The following SH3GL1 variants were observed in gnomAD, a reference collection of about 807,000 sequenced individuals.
SH3GL1 encodes endophilin-A2.
SH3GL1 carries 21 observed loss-of-function variants against 48.8 expected under a neutral mutation model. The ratio of observed to expected loss-of-function variants is 0.43; its 90% CI spans 0.30 to 0.62. The LOEUF (loss-of-function observed/expected upper bound fraction) is 0.62, where lower values mean the gene tolerates loss of function less well. Ranked by LOEUF, SH3GL1 falls within the 20% of genes least tolerant of loss-of-function variation. SH3GL1 has a pLI of 0.11. For synonymous variants in SH3GL1, 282 were observed against 217.5 expected (o/e 1.30, Z -2.61); for missense variants, 454 against 503.0 (o/e 0.90, Z 0.93).
At chr19:4,375,782 C>G (rs1169682822) in intron 1 of SH3GL1, among the ~76,000 whole-genome samples, 2 of 152,182 alleles carry the variant, frequency 1.3e-5, no homozygotes, top group African/African-American at 4.8e-5. Flanking sequence ...AAGGAAAAAG[C>G]CAACCCACAA....
At chr19:4,370,487 T>C (rs1972876659) in intron 1 of SH3GL1, among the ~76,000 whole-genome samples, 1 of 152,132 alleles carries the variant, frequency 6.6e-6, no homozygotes, top group Non-Finnish European at 1.5e-5. Flanking sequence ...TGACTGAACC[T>C]GCATCAGGGT....
At chr19:4,387,357 G>A (rs965458858) in intron 1 of SH3GL1, among the ~76,000 whole-genome samples, 3 of 152,164 alleles carry the variant, frequency 2.0e-5, no homozygotes, top group African/African-American at 4.8e-5. Flanking sequence ...GGAGGGCAGC[G>A]GCATGATGAT....
At position 4,361,361 on chromosome 19, in the gene SH3GL1, G is replaced by T. The variant is rs1213730427; in HGVS notation, c.*239C>A. On this transcript the variant is annotated 3_prime_UTR_variant, in exon 10 of 10. Coordinates refer to ENST00000269886, the MANE Select transcript of SH3GL1 (RefSeq NM_003025.4). ...GAGGAGGCTGGCGCCATGGAGTGGG[G>T]AAGGGAGCCGTCACCGTTGGGAGTC... The T allele has an allele frequency of 1.9e-5, 10 of 536,176 alleles. No homozygotes were observed. Among genetic ancestry groups the T allele is most frequent in the African/African-American group, 1.5e-4 (8 of 52,122 alleles). The allele number at this position is 536,176 out of a possible 1,614,324, so 33.2% of individuals were successfully genotyped here.
intron 1 of SH3GL1, among the ~76,000 whole-genome samples, chr19:4,371,652 G>C (rs1375886626): frequency 6.6e-6 from 1 of 152,242 alleles, no homozygotes; most frequent in African/African-American, 2.4e-5. Flanking sequence ...TGCCCGCAGA[G>C]GGGTCGGCCC....
At chr19:4,391,871 G>A (rs147128400) in intron 1 of SH3GL1, among the ~76,000 whole-genome samples, 11 of 152,272 alleles carry the variant, frequency 7.2e-5, no homozygotes, top group Non-Finnish European at 1.2e-4. Context: ...GGTCCACGCC[G>A]CCGGCTCCAA....
intron 1 of SH3GL1, among the ~76,000 whole-genome samples, chr19:4,373,334 C>A (rs1267724866): frequency 2.6e-5 from 4 of 152,214 alleles, no homozygotes; most frequent in African/African-American, 9.6e-5. Flanking sequence ...CCGGGGCTCC[C>A]CTCAGCATCT....
At chr19:4,393,340 C>T (rs1455335885) in intron 1 of SH3GL1, among the ~76,000 whole-genome samples, 1 of 151,892 alleles carries the variant, frequency 6.6e-6, no homozygotes, top group African/African-American at 2.4e-5. Flanking sequence ...AAGGTCAGGG[C>T]CAAGCACAGA....
chr19:4,384,190 G>A (rs1015952765), intron 1 of SH3GL1, among the ~76,000 whole-genome samples: 17 of 152,298 alleles, frequency 1.1e-4, no homozygotes, highest in Admixed American at 5.9e-4. Context: ...TGTTACATCC[G>A]TGAGGAGGAT....
At position 4,363,687 on chromosome 19, in the gene SH3GL1, T is replaced by G. The variant is rs186220368; in HGVS notation, c.624+33A>C. On this transcript the variant is annotated intron_variant, in intron 6 of 9. Transcript: ENST00000269886. The stretch of plus-strand genomic sequence containing the variant: ...CACCCCGGCCTCCCAAGGGCATAGG[T>G]CTTCTCAGGATGTGACACCCCGAGC... The G allele has an allele frequency of 8.4e-4, 1,356 of 1,611,630 alleles. 6 individuals carry two copies. The African/African-American group carries it at 0.01, about 12-fold the overall frequency.
chr19:4,398,624 C>T (rs1187454946), intron 1 of SH3GL1, among the ~76,000 whole-genome samples: 3 of 151,990 alleles, frequency 2.0e-5, no homozygotes, highest in East Asian at 1.9e-4. Flanking sequence ...CCGCCCGCCT[C>T]GGCCTCCCAA....
chr19:4,366,890 G>A (rs1972792986), intron 2 of SH3GL1, 36 bp downstream of exon 2: 2 of 1,598,974 alleles, frequency 1.3e-6, no homozygotes, highest in African/African-American at 1.3e-5. Context: ...CCCCAGCAGT[G>A]CCACCACCAC....
intron 1 of SH3GL1, among the ~76,000 whole-genome samples, chr19:4,377,359 T>C (rs776834742): frequency 5.3e-5 from 8 of 152,192 alleles, no homozygotes; most frequent in Admixed American, 6.5e-5. Context: ...ACAGAATGCG[T>C]GGTGGGCAGA....
At chr19:4,372,659 C>G (rs7257209) in intron 1 of SH3GL1, among the ~76,000 whole-genome samples, 11 of 152,214 alleles carry the variant, frequency 7.2e-5, no homozygotes, top group African/African-American at 2.4e-4. Flanking sequence ...TGGCCCAACA[C>G]CTGGGAGCCA....
chr19:4,363,303 G>T, intron 7 of SH3GL1, 67 bp downstream of exon 7: 1 of 1,212,592 alleles, frequency 8.2e-7, no homozygotes, highest in Non-Finnish European at 1.2e-6. Context: ...GAGGTGTGCT[G>T]CCCACTTGCG....
rs1006395294 is a variant in SH3GL1, at chr19:4,389,235, C to T, written c.45+11089G>A. On this transcript the variant is annotated intron_variant, in intron 1 of 9. Transcript: ENST00000269886. The surrounding 1 kb of genome is among the most constrained non-coding windows in gnomAD (Gnocchi z 4.5). ...CAGCCCAGCCTCAGGAGCTGCCGTC[C>T]GATGGGAGGAGAGCACCTCACACGA... is the stretch of plus-strand genomic sequence containing the variant. Among the ~76,000 whole-genome samples, 7 of 152,152 alleles carry T rather than the reference C, an allele frequency of 4.6e-5. No homozygotes were observed. Among genetic ancestry groups the T allele is most frequent in the Admixed American group, 1.3e-4 (2 of 15,282 alleles).
chr19:4,362,838 G>A, intron 7 of SH3GL1, 102 bp from the exon 8 acceptor site: 1 of 1,573,466 alleles, frequency 6.4e-7, no homozygotes, highest in Non-Finnish European at 8.6e-7. Flanking sequence ...TGGGACTGCA[G>A]GAAGAGGCCG....
chr19:4,386,325 G>C (rs893000336), intron 1 of SH3GL1, among the ~76,000 whole-genome samples: 1 of 152,198 alleles, frequency 6.6e-6, no homozygotes, highest in Non-Finnish European at 1.5e-5. Flanking sequence ...GGCTTCCTGA[G>C]AATAAGGGTC....
chr19:4,362,305 C>A, intron 9 of SH3GL1, 24 bp downstream of exon 9: 1 of 1,607,162 alleles, frequency 6.2e-7, no homozygotes, highest in South Asian at 1.1e-5. Flanking sequence ...GCACTGAGGT[C>A]GAGGCGGGCC....
At chr19:4,366,406 C>T (rs1195282983) in intron 3 of SH3GL1, 95 bp downstream of exon 3, 2 of 980,116 alleles carry the variant, frequency 2.0e-6, no homozygotes, top group African/African-American at 1.6e-5. Flanking sequence ...AAGCCCACAA[C>T]CCATGAGCCT....
Sources: allele counts gnomAD v4.1 joint callset (sites outside exome capture counted in the v4.1 genomes callset), GRCh38; gene constraint gnomAD v4.1.1; non-coding constraint Gnocchi (gnomAD v3.1); transcripts MANE v1.5; gene names NCBI Gene and HGNC (gene_info 2026-07-23, HGNC 2026-07-21).